The following PES1 variants were observed in gnomAD, a reference collection of about 807,000 sequenced individuals.
PES1 encodes the protein pescadillo homolog.
PES1 carries 31 observed loss-of-function variants against 77.1 expected under a neutral mutation model. The observed-to-expected ratio is 0.40, with a 90% CI of 0.30 to 0.54. The LOEUF (loss-of-function observed/expected upper bound fraction) is 0.54, where lower values mean the gene tolerates loss of function less well. Among genes scored for constraint, PES1 ranks in the 20% least tolerant of loss-of-function variants. PES1 has a pLI of 0.45. For missense variants in PES1, 658 were observed against 771.7 expected (o/e 0.85, Z 1.75); for synonymous variants, 282 against 303.0 (o/e 0.93, Z 0.72).
Position 30,581,535 on chromosome 22 carries a change from G to A in PES1, c.740C>T (p.Pro247Leu). The change falls in exon 7 of 15, where the codon CCC becomes CTC. Residue 247 changes from proline (P) to leucine (L), a missense_variant. Physicochemically the swap from Pro to Leu is moderately conservative, Grantham distance 98. Coordinates refer to ENST00000354694, the MANE Select transcript of PES1 (RefSeq NM_014303.4). The stretch of plus-strand genomic sequence containing the variant: ...ACTGGGCTGGGGTCCTACCTTCGGG[G>A]GATAGTGGAGGTTGAGCAACTGGTA... ...RLYQLLNLHY[P>L]PKLEGQAQAE... 6.2e-7 allele frequency: 1 copy of A among 1,613,318 alleles called. No homozygotes were observed. Among genetic ancestry groups the A allele is most frequent in the Non-Finnish European group, 8.5e-7 (1 of 1,179,506 alleles).
chr22:30,585,096 A>C, intron 4 of PES1: 1 of 386,330 alleles, frequency 2.6e-6, no homozygotes. Context: ...GAGGTCCAAA[A>C]TGGAAAATGG....
intron 2 of PES1, among the ~76,000 whole-genome samples, chr22:30,604,555 C>T (rs987472977): frequency 1.3e-5 from 2 of 152,000 alleles, no homozygotes; most frequent in East Asian, 3.9e-4. Flanking sequence ...ATCGCTTGAA[C>T]CCGGGAGGAG....
At position 30,598,134 on chromosome 22, in the gene PES1, GT is replaced by G. The variant is rs558535355; in HGVS notation, c.-660-5737del. 1.1e-4 allele frequency among the ~76,000 whole-genome samples: 17 copies of G among 152,222 alleles called. No homozygotes were observed. The East Asian group carries it at 2.7e-3, about 24-fold the overall frequency. ...GCAGTTGAAGTTTTATTCTTTCACT[GT>G]TTGCAATAACTCTTACTGCTGCTCA... On this transcript the variant is annotated intron_variant, in intron 2 of 16. Coordinates refer to the PES1 transcript ENST00000402281.
intron 8 of PES1, 95 bp from the exon 9 acceptor site, chr22:30,581,196 C>T (rs112894042): frequency 0.014 from 18,970 of 1,345,394 alleles, 189 homozygotes; most frequent in Non-Finnish European, 0.017. Flanking sequence ...TGGGCATCAG[C>T]AGGTGTGGGT....
rs375244457 is a variant in PES1, at chr22:30,578,892, C to T, written c.1628G>A (p.Arg543Gln). ...KRLAIMMMKK[R>Q]EKYLYQKIMF... Reference sequence around the variant, plus strand: ...GATCTTCTGGTACAGGTACTTCTCCCGCTTCTTCATCATCATAATGGCCAG... The same window carrying T: ...GATCTTCTGGTACAGGTACTTCTCCTGCTTCTTCATCATCATAATGGCCAG... Residue 543 changes from arginine (R) to glutamine (Q), a missense_variant, in exon 14 of 15, where the codon CGG (arginine) becomes CAG (glutamine). Coordinates refer to ENST00000354694, the MANE Select transcript of PES1 (RefSeq NM_014303.4). 2.1e-5 allele frequency: 34 copies of T among 1,612,982 alleles called. No individual in the cohort carries two copies. Among genetic ancestry groups the T allele is most frequent in the African/African-American group, 6.7e-5 (5 of 74,904 alleles).
At chr22:30,605,033 G>A (rs890578430) in intron 2 of PES1, among the ~76,000 whole-genome samples, 21 of 151,474 alleles carry the variant, frequency 1.4e-4, no homozygotes, top group Admixed American at 7.9e-4. Flanking sequence ...TCCTTCTGTC[G>A]CCCAGACTGG....
At position 30,579,229 on chromosome 22, in the gene PES1, T is replaced by C. The variant is rs767112681; in HGVS notation, c.1429A>G (p.Asn477Asp). 6.2e-7 allele frequency: 1 copy of C among 1,604,886 alleles called. No homozygotes were observed. The highest frequency in any genetic ancestry group is 8.5e-7 in the Non-Finnish European group (1 of 1,178,656). ...NEGDGDEEGENEEEEEDAEAG... is the reference protein window; with the variant it reads ...NEGDGDEEGEDEEEEEDAEAG... ...TCTGCATCTTCCTCCTCCTCCTCAT[T>C]TTCTCCCTCTTCATCACCATCACCT... is the stretch of plus-strand genomic sequence containing the variant. The change falls in exon 13 of 15, where the codon AAT (asparagine) becomes GAT (aspartate). Residue 477 changes from asparagine to aspartate, a missense_variant. Transcript: ENST00000354694.
At chr22:30,589,471 A>G (rs955170901) in intron 1 of PES1, among the ~76,000 whole-genome samples, 2 of 152,192 alleles carry the variant, frequency 1.3e-5, no homozygotes, top group Non-Finnish European at 2.9e-5. Context: ...AGCATAGGGA[A>G]CACATACATC....
chr22:30,591,776 C>A, intron 1 of PES1, 34 bp downstream of exon 1: 1 of 1,552,878 alleles, frequency 6.4e-7, no homozygotes, highest in Non-Finnish European at 8.7e-7. Context: ...CCGCACCCCA[C>A]CCCTCGGGAA....
intron 2 of PES1, among the ~76,000 whole-genome samples, chr22:30,597,853 CG>C (rs762035389): frequency 9.0e-5 from 13 of 143,724 alleles, no homozygotes; most frequent in Non-Finnish European, 1.7e-4. Context: ...GTAACTCGCT[CG>C]GTTTTTTTTC....
upstream of PES1, among the ~76,000 whole-genome samples, chr22:30,595,538 CAAAAAAA>C (rs377364940): frequency 2.5e-5 from 2 of 80,700 alleles, no homozygotes; most frequent in Non-Finnish European, 4.8e-5. Context: ...GACAGTGTCT[CAAAAAAA>C]AAAAAAAAAA....
chr22:30,581,874 C>T lies in PES1; in HGVS notation c.631-230G>A, dbSNP rs188990355. Reference sequence around the variant, plus strand: ...ACAAGTGAGGCTCTGGATAGGGGTCCCAAGGGTTAGACGCATCCTGGAAGT... The same window carrying T: ...ACAAGTGAGGCTCTGGATAGGGGTCTCAAGGGTTAGACGCATCCTGGAAGT... On this transcript the variant is annotated intron_variant, in intron 6 of 14. Coordinates refer to ENST00000354694, the MANE Select transcript of PES1 (RefSeq NM_014303.4). Among the ~76,000 whole-genome samples, 704 of 152,254 alleles carry T rather than the reference C, an allele frequency of 4.6e-3. 8 individuals carry two copies. The highest frequency in any genetic ancestry group is 0.016 in the African/African-American group (668 of 41,564).
intron 6 of PES1, among the ~76,000 whole-genome samples, chr22:30,582,740 C>T (rs761236783): frequency 2.2e-4 from 33 of 152,200 alleles, no homozygotes; most frequent in Admixed American, 7.2e-4. Flanking sequence ...AAGAGAAGCC[C>T]TGCCTGTTCC....
chr22:30,605,111 T>C (rs1270451872), intron 2 of PES1, among the ~76,000 whole-genome samples: 2 of 152,078 alleles, frequency 1.3e-5, no homozygotes, highest in Non-Finnish European at 2.9e-5. Context: ...CTCCCACTTG[T>C]AGCCTCTAGA....
At chr22:30,600,030 AT>A (rs1381562263) in intron 2 of PES1, among the ~76,000 whole-genome samples, 1 of 152,152 alleles carries the variant, frequency 6.6e-6, no homozygotes, top group Non-Finnish European at 1.5e-5. Context: ...GTCATTTTCA[AT>A]TTAAAAAATA....
chr22:30,591,838 C>T lies in PES1; in HGVS notation c.-5G>A, dbSNP rs1305883148. On this transcript the variant is annotated 5_prime_UTR_variant, in exon 1 of 15. Transcript: ENST00000354694. Reference sequence around the variant, plus strand: ...CTTCTTCTCAAGGCCTCCCATCGCTCCACGTTGAGGAGCCGACTAGGGCCG... The same window carrying T: ...CTTCTTCTCAAGGCCTCCCATCGCTTCACGTTGAGGAGCCGACTAGGGCCG... 6.4e-7 allele frequency: 1 copy of T among 1,557,130 alleles called. No homozygotes were observed. Among genetic ancestry groups the T allele is most frequent in the Admixed American group, 1.9e-5 (1 of 52,274 alleles).
upstream of PES1, among the ~76,000 whole-genome samples, chr22:30,596,413 G>C (rs2087253244): frequency 6.6e-6 from 1 of 151,676 alleles, no homozygotes; most frequent in Admixed American, 6.6e-5. Flanking sequence ...TCCAACGTCT[G>C]GGCTCAAGCA....
intron 3 of PES1, 97 bp downstream of exon 3, chr22:30,587,924 A>T: frequency 8.1e-7 from 1 of 1,228,108 alleles, no homozygotes; most frequent in Non-Finnish European, 1.2e-6. Flanking sequence ...GTATAGGCTT[A>T]CTCAGAGAGG....
intron 2 of PES1, among the ~76,000 whole-genome samples, chr22:30,600,784 C>T (rs1244634795): frequency 1.3e-5 from 2 of 152,156 alleles, no homozygotes; most frequent in African/African-American, 4.8e-5. Context: ...CACTGCACTC[C>T]AGCCTGGGTG....
Sources: gnomAD v4.1 joint callset for allele counts (sites outside exome capture counted in the v4.1 genomes callset) on GRCh38, gnomAD v4.1.1 for gene constraint, MANE v1.5 for transcripts, NCBI Gene and HGNC (gene_info 2026-07-23, HGNC 2026-07-21) for gene names.